Variants in AOAH observed in about 807,000 individuals in gnomAD.
AOAH encodes acyloxyacyl hydrolase (neutrophil).
In AOAH, 64 loss-of-function variants were observed where a neutral mutation model predicts 92.2. The observed-to-expected ratio is 0.69, with a 90% CI of 0.57 to 0.86. The LOEUF is 0.86. Ranked by LOEUF, AOAH falls within the 40% of genes least tolerant of loss-of-function variation. The probability of loss-of-function intolerance (pLI) is 0.00; values close to 1 mark genes in which losing one functional copy is unlikely to be tolerated. For synonymous variants in AOAH, 263 were observed against 254.5 expected, an observed-to-expected ratio of 1.03 and a Z score of -0.32; for missense variants, 656 against 694.6, an observed-to-expected ratio of 0.94 and a Z score of 0.62.
chr7:36,565,440 C>T (rs1158510860), intron 13 of AOAH, among the ~76,000 whole-genome samples: 4 of 152,040 alleles, frequency 2.6e-5, no homozygotes, highest in Non-Finnish European at 1.5e-5. Context: ...AAAATTACTT[C>T]AAAATTTTCA....
In AOAH at chr7:36,623,170, T is replaced by C; in HGVS notation, c.582+20A>G. ...CAATGTGATGTTAGTGAACATCTGG[T>C]TATTCCTAACAATACTTACTGGGAA... is the stretch of plus-strand genomic sequence containing the variant. On this transcript the variant is annotated intron_variant, in intron 7 of 20. Transcript: ENST00000617537. 6.2e-7 allele frequency: 1 copy of C among 1,605,996 alleles called. No individual in the cohort carries two copies. Among genetic ancestry groups the C allele is most frequent in the East Asian group, 2.2e-5 (1 of 44,826 alleles).
chr7:36,680,974 C>T (rs1344185739), intron 2 of AOAH, among the ~76,000 whole-genome samples: 4 of 151,768 alleles, frequency 2.6e-5, no homozygotes, highest in African/African-American at 9.7e-5. Context: ...AACCAGCAAT[C>T]TTGTTTTGGG....
chr7:36,633,386 G>A (rs1793279072), intron 5 of AOAH, among the ~76,000 whole-genome samples: 1 of 152,198 alleles, frequency 6.6e-6, no homozygotes, highest in African/African-American at 2.4e-5. Flanking sequence ...GAGTATTGAT[G>A]CCACCTGGGA....
At chr7:36,602,564 T>C (rs553486626) in intron 11 of AOAH, among the ~76,000 whole-genome samples, 6 of 151,624 alleles carry the variant, frequency 4.0e-5, no homozygotes, top group Non-Finnish European at 8.8e-5. Flanking sequence ...AATTCTTTTC[T>C]AAGGCCATTG....
chr7:36,570,674 G>A (rs1356038681), intron 13 of AOAH, among the ~76,000 whole-genome samples: 5 of 152,102 alleles, frequency 3.3e-5, no homozygotes, highest in African/African-American at 7.2e-5. Flanking sequence ...CTGCTTTTTC[G>A]ATAGTGAGCA....
chr7:36,678,961 C>T (rs1329634802), intron 2 of AOAH, among the ~76,000 whole-genome samples: 1 of 152,060 alleles, frequency 6.6e-6, no homozygotes, highest in Non-Finnish European at 1.5e-5. Context: ...TTAAACTCTG[C>T]CTGTGACAAG....
chr7:36,659,356 T>C (rs1037774414), intron 3 of AOAH, 91 bp from the exon 4 acceptor site: 71 of 1,039,196 alleles, frequency 6.8e-5, no homozygotes, highest in Non-Finnish European at 9.7e-5. Flanking sequence ...ATCCCCAGAA[T>C]GGATTCTAAT....
At chr7:36,582,276 G>A (rs1788982572) in intron 12 of AOAH, among the ~76,000 whole-genome samples, 1 of 152,190 alleles carries the variant, frequency 6.6e-6, no homozygotes, top group South Asian at 2.1e-4. Context: ...CTTGTAAGTT[G>A]AGGGATGCAC....
At chr7:36,656,033 T>C (rs769304064) in intron 4 of AOAH, among the ~76,000 whole-genome samples, 12 of 151,994 alleles carry the variant, frequency 7.9e-5, no homozygotes, top group Non-Finnish European at 1.3e-4. Context: ...GAGTGAGAAA[T>C]TGCTTTCCAG....
intron 3 of AOAH, among the ~76,000 whole-genome samples, chr7:36,660,292 A>T (rs896885962): frequency 7.6e-6 from 1 of 131,632 alleles, no homozygotes; most frequent in Non-Finnish European, 1.6e-5. Flanking sequence ...CTCCCCAATT[A>T]TTTGGGAACA....
At chr7:36,701,535 T>G (rs190844140) in intron 1 of AOAH, among the ~76,000 whole-genome samples, 59 of 151,352 alleles carry the variant, frequency 3.9e-4, no homozygotes, top group South Asian at 1.2e-3. Flanking sequence ...AGCCCCTTTT[T>G]CATTATGAAA....
intron 13 of AOAH, among the ~76,000 whole-genome samples, chr7:36,563,555 T>G (rs1452512033): frequency 6.6e-6 from 1 of 152,182 alleles, no homozygotes; most frequent in Non-Finnish European, 1.5e-5. Context: ...TTACAGCTAT[T>G]TTCAGTGGGA....
At chr7:36,574,831 CCAATCTTTCCTACGTATA>C (rs1583855149) in intron 13 of AOAH, among the ~76,000 whole-genome samples, 1 of 152,184 alleles carries the variant, frequency 6.6e-6, no homozygotes, top group East Asian at 1.9e-4. Flanking sequence ...ATATTTTCTA[CCAATCTTTCCTACGTATA>C]CCTTTTTTTT....
In AOAH at chr7:36,592,142, G is replaced by T. The variant is rs544599538; in HGVS notation, c.938+2197C>A. 1.2e-3 allele frequency among the ~76,000 whole-genome samples: 181 copies of T among 152,242 alleles called. 2 individuals carry two copies. Among genetic ancestry groups the T allele is most frequent in the African/African-American group, 4.3e-3 (180 of 41,544 alleles). On this transcript the variant is annotated intron_variant, in intron 12 of 20. Coordinates refer to ENST00000617537, the MANE Select transcript of AOAH (RefSeq NM_001637.4). Reference sequence around the variant, plus strand: ...AATTCTTTTTGTTATTGTCATAAAAGCCTTGATTGAGAGAAAATTCCAGAT... The same window carrying T: ...AATTCTTTTTGTTATTGTCATAAAATCCTTGATTGAGAGAAAATTCCAGAT...
intron 15 of AOAH, among the ~76,000 whole-genome samples, chr7:36,543,253 G>A (rs565061210): frequency 3.9e-5 from 6 of 152,312 alleles, no homozygotes; most frequent in Admixed American, 6.5e-5. Context: ...GAGCAGAAGC[G>A]TGGGGAGGGG....
chr7:36,628,666 C>T (rs1447284107), intron 6 of AOAH, among the ~76,000 whole-genome samples: 2 of 152,170 alleles, frequency 1.3e-5, no homozygotes, highest in Non-Finnish European at 2.9e-5. Flanking sequence ...GGAGCTGGAA[C>T]GCGTCCCTGG....
At chr7:36,652,230 A>T (rs1455830607) in intron 4 of AOAH, among the ~76,000 whole-genome samples, 1 of 152,198 alleles carries the variant, frequency 6.6e-6, no homozygotes, top group African/African-American at 2.4e-5. Context: ...TGTCAAAAGG[A>T]CACAGGAGCC....
chr7:36,621,807 G>T (rs747649442), intron 7 of AOAH, 27 bp from the exon 8 acceptor site: 1 of 1,608,920 alleles, frequency 6.2e-7, no homozygotes, highest in Non-Finnish European at 8.5e-7. Flanking sequence ...CACACAGGAG[G>T]GGTTCAGCCT....
intron 4 of AOAH, among the ~76,000 whole-genome samples, chr7:36,651,554 G>A (rs377485425): frequency 6.6e-6 from 1 of 152,220 alleles, no homozygotes; most frequent in East Asian, 1.9e-4. Flanking sequence ...TTGGGATATT[G>A]TGCAAGATTC....
Sources: allele counts gnomAD v4.1 joint callset (sites outside exome capture counted in the v4.1 genomes callset), GRCh38; gene constraint gnomAD v4.1.1; transcripts MANE v1.5; gene names NCBI Gene and HGNC (gene_info 2026-07-23, HGNC 2026-07-21).